ASXL3: variants seen among roughly 807,000 people sequenced by gnomAD.
ASXL3 encodes putative Polycomb group protein ASXL3.
A neutral mutation model predicts 170.6 loss-of-function variants in ASXL3; 34 were observed. That is an observed-to-expected ratio of 0.20 (90% CI 0.15 to 0.27). The LOEUF (loss-of-function observed/expected upper bound fraction) is 0.27. Ranked by LOEUF, ASXL3 falls within the 10% of genes least tolerant of loss-of-function variation. The probability of loss-of-function intolerance (pLI) is 1.00; values close to 1 mark genes in which losing one functional copy is unlikely to be tolerated. For missense variants in ASXL3, 2,592 were observed against 2,695.3 expected (o/e 0.96, Z 0.85); for synonymous variants, 1,002 against 989.1 (o/e 1.01, Z -0.24).
At chr18:33,612,922 TAC>T (rs768097779) in intron 2 of ASXL3, among the ~76,000 whole-genome samples, 9 of 152,132 alleles carry the variant, frequency 5.9e-5, no homozygotes, top group Non-Finnish European at 8.8e-5. Context: ...ATTTTAGAAT[TAC>T]AGTGTTAGCT....
intron 2 of ASXL3, chr18:33,614,389 A>G (rs992114817): frequency 2.0e-5 from 3 of 152,156 alleles, no homozygotes; most frequent in African/African-American, 7.2e-5. Flanking sequence ...TTCAGTCACA[A>G]CTTTGGGTTC....
At chr18:33,622,771 G>A (rs1049015440) in intron 2 of ASXL3, among the ~76,000 whole-genome samples, 12 of 152,142 alleles carry the variant, frequency 7.9e-5, no homozygotes, top group African/African-American at 2.9e-4. Context: ...TGAATAAACA[G>A]TTCTACTCAT....
At chr18:33,733,995 A>G (rs992508008) in intron 9 of ASXL3, among the ~76,000 whole-genome samples, 1 of 143,616 alleles carries the variant, frequency 7.0e-6, no homozygotes, top group Non-Finnish European at 1.5e-5. Flanking sequence ...AGGACAGTGA[A>G]TATACGCTCT....
intron 7 of ASXL3, among the ~76,000 whole-genome samples, chr18:33,678,077 A>ATTATTTATTTAT (rs140094203): frequency 3.1e-4 from 47 of 149,286 alleles, no homozygotes; most frequent in African/African-American, 6.9e-4. Flanking sequence ...TTATGTATTT[A>ATTATTTATTTAT]TTATTTATTT....
At position 33,612,085 on chromosome 18, in the gene ASXL3, T is replaced by C. The variant is rs180779635; in HGVS notation, c.137+4409T>C. On this transcript the variant is annotated intron_variant, in intron 2 of 11. Transcript: ENST00000269197. ...TGTGCTGGGCATTATCATTACAAGA[T>C]ACCTGTCATTAATGTAGCATGAACT... is the stretch of plus-strand genomic sequence containing the variant. Among the ~76,000 whole-genome samples, 47 of 152,192 alleles carry C rather than the reference T, an allele frequency of 3.1e-4. No individual in the cohort carries two copies. In the East Asian group the frequency reaches 8.1e-3, roughly 26 times the overall value.
At chr18:33,721,065 T>C (rs1223374059) in intron 8 of ASXL3, among the ~76,000 whole-genome samples, 1 of 152,084 alleles carries the variant, frequency 6.6e-6, no homozygotes. Flanking sequence ...TTCCTGATTA[T>C]ATATTCTGAA....
At position 33,590,111 on chromosome 18, in the gene ASXL3, G is replaced by GTTTTTTTTTTTTTTTTTTTTTTT. The variant is rs567969303; in HGVS notation, c.54+11445_54+11446insTTTTTTTTTTTTTTTTTTTTTTT. Among the ~76,000 whole-genome samples the GTTTTTTTTTTTTTTTTTTTTTTT allele has an allele frequency of 4.6e-4, 38 of 83,172 alleles. 3 individuals are homozygous for GTTTTTTTTTTTTTTTTTTTTTTT. The highest frequency in any genetic ancestry group is 1.4e-3 in the African/African-American group (20 of 14,540). The allele number at this position is 83,172 out of a possible 152,430, so 54.6% of individuals were successfully genotyped here. On this transcript the variant is annotated intron_variant, in intron 1 of 11. Transcript: ENST00000269197. ...TGTCGTCAAGGTATTTGCTTTCTAT[G>GTTTTTTTTTTTTTTTTTTTTTTT]TTTTTTTTTTTTTTTTTTTGCTTTG...
At chr18:33,642,333 G>T (rs1437038657) in intron 2 of ASXL3, among the ~76,000 whole-genome samples, 5 of 151,870 alleles carry the variant, frequency 3.3e-5, no homozygotes, top group Non-Finnish European at 4.4e-5. Flanking sequence ...TACATTGGAT[G>T]AATCAGTTAC....
At chr18:33,633,277 A>G (rs2065707444) in intron 2 of ASXL3, among the ~76,000 whole-genome samples, 1 of 152,212 alleles carries the variant, frequency 6.6e-6, no homozygotes, top group Admixed American at 6.5e-5. Context: ...CAAAGAGAAC[A>G]CTATATAAAA....
In ASXL3 at chr18:33,745,346, G is replaced by T. The variant is rs2145432386; in HGVS notation, c.5498G>T (p.Arg1833Met). 6.2e-7 allele frequency: 1 copy of T among 1,613,940 alleles called. No individual in the cohort carries two copies. The highest frequency in any genetic ancestry group is 8.5e-7 in the Non-Finnish European group (1 of 1,179,884). The change falls in exon 12 of 12, where the codon AGG becomes ATG. Residue 1833 changes from arginine to methionine, a missense_variant. By Grantham distance (91) the Arg-to-Met change is moderately conservative. Around this residue, in one of 4 missense-constraint regions of ASXL3, gnomAD observed 2,246 missense variants for 2,219.6 expected, o/e 1.01. Coordinates refer to ENST00000269197, the MANE Select transcript of ASXL3 (RefSeq NM_030632.3). ...RENHPKKRVA[R>M]TVGEHTQVKC... The stretch of plus-strand genomic sequence containing the variant: ...AACCACCCCAAAAAGAGAGTAGCTA[G>T]GACTGTAGGAGAACACACTCAAGTT...
intron 1 of ASXL3, among the ~76,000 whole-genome samples, chr18:33,588,977 C>CT (rs2065056147): frequency 6.6e-6 from 1 of 152,076 alleles, no homozygotes; most frequent in Admixed American, 6.6e-5. Context: ...CCACCTTCAT[C>CT]TTTTTTCTTC....
chr18:33,694,341 G>A (rs1893326), intron 8 of ASXL3, among the ~76,000 whole-genome samples: 104,393 of 152,050 alleles, frequency 0.69, 37,283 homozygotes, highest in East Asian at 0.98. Flanking sequence ...ATGTGTCTAC[G>A]TAGAACAATT....
chr18:33,628,597 A>G (rs936225771), intron 2 of ASXL3, among the ~76,000 whole-genome samples: 8 of 152,182 alleles, frequency 5.3e-5, no homozygotes, highest in Non-Finnish European at 1.0e-4. Context: ...GATACCCCAC[A>G]CTGGATCCTA....
chr18:33,592,137 G>T (rs1471866451), intron 1 of ASXL3, among the ~76,000 whole-genome samples: 1 of 152,060 alleles, frequency 6.6e-6, no homozygotes, highest in Non-Finnish European at 1.5e-5. Context: ...CAGTTCAGAT[G>T]GGGAAAGCAA....
intron 8 of ASXL3, among the ~76,000 whole-genome samples, chr18:33,728,192 C>T (rs1349619482): frequency 2.0e-5 from 3 of 152,124 alleles, no homozygotes; most frequent in Non-Finnish European, 2.9e-5. Context: ...GTACAATAAA[C>T]TTTTATTTAC....
rs2067609167 is a variant in ASXL3 at position 33,739,274 on chromosome 18, A to G, written c.1870A>G (p.Ser624Gly). ...TGAGAGCCCAGAGGGAGCCTGTACC[A>G]GCCTGCCTTCTCCAGGAGGGGAAAC... ...SSESPEGACT[S>G]LPSPGGETQS... The change falls in exon 11 of 12, where the codon AGC becomes GGC. Residue 624 changes from serine (S) to glycine (G), a missense_variant. Ser to Gly is a moderately conservative substitution (Grantham distance 56). Around this residue, in one of 4 missense-constraint regions of ASXL3, gnomAD observed 2,246 missense variants for 2,219.6 expected, o/e 1.01. Coordinates refer to ENST00000269197, the MANE Select transcript of ASXL3 (RefSeq NM_030632.3). 6.2e-7 allele frequency: 1 copy of G among 1,613,790 alleles called. No homozygotes were observed. The highest frequency in any genetic ancestry group is 2.2e-5 in the East Asian group (1 of 44,874).
At chr18:33,590,908 TC>T (rs2065071533) in intron 1 of ASXL3, among the ~76,000 whole-genome samples, 1 of 152,232 alleles carries the variant, frequency 6.6e-6, no homozygotes, top group Non-Finnish European at 1.5e-5. Context: ...AATATACATT[TC>T]TTCGTGAAGC....
At chr18:33,594,820 C>T (rs1173680802) in intron 1 of ASXL3, among the ~76,000 whole-genome samples, 14 of 152,076 alleles carry the variant, frequency 9.2e-5, no homozygotes, top group African/African-American at 3.4e-4. Flanking sequence ...AGTGATCCTC[C>T]CATCTTGGCC....
intron 8 of ASXL3, among the ~76,000 whole-genome samples, chr18:33,691,987 A>G (rs2066693667): frequency 6.6e-6 from 1 of 152,232 alleles, no homozygotes; most frequent in African/African-American, 2.4e-5. Flanking sequence ...CAGGGAGGAA[A>G]AAGGTCTAAC....
Sources: gnomAD v4.1 joint callset for allele counts (sites outside exome capture counted in the v4.1 genomes callset) on GRCh38, gnomAD v4.1.1 for gene constraint, gnomAD v4.1.1 regional missense constraint, MANE v1.5 for transcripts, NCBI Gene and HGNC (gene_info 2026-07-23, HGNC 2026-07-21) for gene names.